METTL6: variants seen among roughly 807,000 people sequenced by gnomAD.
METTL6 encodes the protein tRNA N(3)-cytidine methyltransferase METTL6.
A neutral mutation model predicts 26.4 loss-of-function variants in METTL6; 22 were observed. The ratio of observed to expected loss-of-function variants is 0.83; its 90% CI spans 0.59 to 1.19. The LOEUF is 1.19. Ranked by LOEUF, METTL6 falls within the 50% of genes most tolerant of loss-of-function variation. The probability of loss-of-function intolerance (pLI) is 0.00; values close to 1 mark genes in which losing one functional copy is unlikely to be tolerated. For missense variants in METTL6, 304 were observed against 324.8 expected (o/e 0.94, Z 0.49); for synonymous variants, 109 against 116.2 (o/e 0.94, Z 0.40).
chr3:15,426,324 G>C lies in METTL6; in HGVS notation c.188C>G (p.Thr63Ser), dbSNP rs1575444399. Reference protein sequence around the residue: ...STNFFKDRHWTTREFEELRSC... With the variant: ...STNFFKDRHWSTREFEELRSC... ...TCTTAGCTCCTCAAACTCTCTGGTG[G>C]TCCAGTGTCTGTCTTTGAAGAAATT... The change falls in exon 2 of 6, where the codon ACC (threonine) becomes AGC (serine). Residue 63 changes from threonine to serine, a missense_variant. Thr to Ser is a moderately conservative substitution (Grantham distance 58). Transcript: ENST00000383790. 2 of 1,614,170 alleles carry C rather than the reference G, an allele frequency of 1.2e-6. 1 individual carries two copies. Among genetic ancestry groups the C allele is most frequent in the East Asian group, 4.5e-5 (2 of 44,882 alleles).
Position 15,418,009 on chromosome 3 carries a change from G to A in METTL6, c.361-2067C>T, listed in dbSNP as rs1341282438. Among the ~76,000 whole-genome samples the A allele has an allele frequency of 9.8e-5, 15 of 152,330 alleles. No individual in the cohort carries two copies. The South Asian group carries it at 2.9e-3, about 29-fold the overall frequency. ...CAAAAACAAGTTGCTAGAGGGGTTTGAAGTCTCTGGTGCCCACAGCAACAA... is the reference window on the plus strand; with the variant it reads ...CAAAAACAAGTTGCTAGAGGGGTTTAAAGTCTCTGGTGCCCACAGCAACAA... On this transcript the variant is annotated intron_variant, in intron 3 of 5. Coordinates refer to ENST00000383790, the MANE Select transcript of METTL6 (RefSeq NM_152396.4).
chr3:15,407,557 T>C (rs1699835903), downstream of METTL6, among the ~76,000 whole-genome samples: 1 of 152,166 alleles, frequency 6.6e-6, no homozygotes, highest in African/African-American at 2.4e-5. Flanking sequence ...GTCTGCCCAA[T>C]AGCTACCCTT....
intron 6 of METTL6, among the ~76,000 whole-genome samples, chr3:15,401,132 C>T (rs1484339094): frequency 5.3e-5 from 8 of 152,068 alleles, no homozygotes; most frequent in African/African-American, 1.4e-4. Flanking sequence ...CTCCACCTTC[C>T]GGGTTCACGC....
At chr3:15,414,463 C>CT (rs1700106312) in intron 4 of METTL6, 1 of 589,680 alleles carries the variant, frequency 1.7e-6, no homozygotes, top group Non-Finnish European at 2.3e-6. Flanking sequence ...TCAAGTGATT[C>CT]TCGTGTCTCA....
intron 3 of METTL6, among the ~76,000 whole-genome samples, chr3:15,420,240 ACT>A (rs1273335822): frequency 6.6e-6 from 1 of 151,952 alleles, no homozygotes; most frequent in African/African-American, 2.4e-5. Context: ...AACATGAAAA[ACT>A]CTGCAAAATA....
chr3:15,403,656 C>T (rs1559484236), intron 6 of METTL6, among the ~76,000 whole-genome samples: 10 of 152,110 alleles, frequency 6.6e-5, no homozygotes, highest in Admixed American at 5.9e-4. Flanking sequence ...CTAGCACATG[C>T]GCATGTTACT....
At chr3:15,407,487 G>C (rs536546222), downstream of METTL6, among the ~76,000 whole-genome samples, 59 of 152,276 alleles carry the variant, frequency 3.9e-4, no homozygotes, top group African/African-American at 1.1e-3. Flanking sequence ...AAAGGAAGAC[G>C]ACTTCATCAA....
chr3:15,383,088 T>C (rs1035747023), exon 7 of METTL6: 1 of 152,184 alleles, frequency 6.6e-6, no homozygotes. Flanking sequence ...TAATAATGTA[T>C]ACTTTGAAGG....
chr3:15,414,088 G>A lies in METTL6; in HGVS notation c.606C>T (p.Ala202=), dbSNP rs1248345693. Residue 202 remains alanine (A), a synonymous_variant, in exon 5 of 6, where the codon GCC becomes GCT. Transcript: ENST00000383790. ...AAAAGTTTTCTCCAAGTTTGCTGCT[G>A]GCTTTAAACCTAAGCATGGCATGAT... is the stretch of plus-strand genomic sequence containing the variant. ...LYDHAMLRFK[A]SSKLGENFYV... 6.2e-7 allele frequency: 1 copy of A among 1,614,132 alleles called. No homozygotes were observed. The highest frequency in any genetic ancestry group is 8.5e-7 in the Non-Finnish European group (1 of 1,180,036).
At chr3:15,384,619 G>T (rs1398149806) in intron 6 of METTL6, 2 of 153,378 alleles carry the variant, frequency 1.3e-5, no homozygotes, top group Non-Finnish European at 2.9e-5. Context: ...CACACCTGTA[G>T]CCTCAGCTAC....
At chr3:15,399,855 C>T (rs575208933) in intron 6 of METTL6, among the ~76,000 whole-genome samples, 1 of 152,128 alleles carries the variant, frequency 6.6e-6, no homozygotes, top group South Asian at 2.1e-4. Context: ...AATGTCACCT[C>T]AAAATATACT....
At chr3:15,411,773 A>AT (rs1029714949) in intron 5 of METTL6, among the ~76,000 whole-genome samples, 3 of 150,928 alleles carry the variant, frequency 2.0e-5, no homozygotes, top group Admixed American at 6.6e-5. Flanking sequence ...TTAAAAAAAA[A>AT]TTTTTTTTTG....
exon 7 of METTL6, chr3:15,383,433 T>C (rs1222344154): frequency 6.6e-6 from 1 of 151,824 alleles, no homozygotes; most frequent in Non-Finnish European, 1.5e-5. Flanking sequence ...AGACAGGGTA[T>C]TGCTATGTTG....
chr3:15,400,908 A>C (rs113081968), intron 6 of METTL6, among the ~76,000 whole-genome samples: 76 of 152,304 alleles, frequency 5.0e-4, no homozygotes, highest in African/African-American at 1.4e-3. Context: ...TTTTGGAGTG[A>C]TGGAGTGCAA....
rs1260625828 is a variant in METTL6, at chr3:15,414,142, A to C, written c.552T>G (p.Ser184Arg). 7 of 1,612,534 alleles carry C rather than the reference A, an allele frequency of 4.3e-6. No individual in the cohort carries two copies. Among genetic ancestry groups the C allele is most frequent in the Admixed American group, 1.7e-5 (1 of 59,604 alleles). Residue 184 changes from serine to arginine, a missense_variant, in exon 5 of 6, where the codon AGT becomes AGG. Ser to Arg is a moderately radical substitution (Grantham distance 110). Coordinates refer to ENST00000383790, the MANE Select transcript of METTL6 (RefSeq NM_152396.4). ...NIYKVLKPGK[S>R]VLFRDYGLYD... ...ACAGTCCGTAGTCACGAAACAAGAC[A>C]CTTTTGCCTGGTTTTAATACCTATG...
intron 6 of METTL6, among the ~76,000 whole-genome samples, chr3:15,385,706 A>G (rs1401838095): frequency 6.6e-6 from 1 of 152,186 alleles, no homozygotes; most frequent in Non-Finnish European, 1.5e-5. Flanking sequence ...AAAAAACAAA[A>G]ACAAAAACCA....
chr3:15,415,750 G>C, intron 4 of METTL6, 22 bp downstream of exon 4: 1 of 1,610,676 alleles, frequency 6.2e-7, no homozygotes, highest in African/African-American at 1.3e-5. Flanking sequence ...CAACCCTCAA[G>C]TGCAGGCCCC....
At position 15,410,532 on chromosome 3, in the gene METTL6, A is replaced by T. The variant is rs1699925313; in HGVS notation, c.*724T>A. On this transcript the variant is annotated 3_prime_UTR_variant, in exon 6 of 6. Coordinates refer to ENST00000383790, the MANE Select transcript of METTL6 (RefSeq NM_152396.4). ...CACCATGTTGCCCACACTGGTCTTG[A>T]ACTCCTGGGCTCAAGGGATCTGCTG... 6.6e-6 allele frequency among the ~76,000 whole-genome samples: 1 copy of T among 152,094 alleles called. No homozygotes were observed. The highest frequency in any genetic ancestry group is 6.5e-5 in the Admixed American group (1 of 15,272).
chr3:15,391,134 A>C (rs1699333452), intron 6 of METTL6, among the ~76,000 whole-genome samples: 1 of 152,230 alleles, frequency 6.6e-6, no homozygotes, highest in Admixed American at 6.5e-5. Flanking sequence ...CTTACTGCTC[A>C]GCCACTTGTA....
Sources: allele counts gnomAD v4.1 joint callset (sites outside exome capture counted in the v4.1 genomes callset), GRCh38; gene constraint gnomAD v4.1.1; transcripts MANE v1.5; gene names NCBI Gene and HGNC (gene_info 2026-07-23, HGNC 2026-07-21).